WWP2: variants seen among roughly 807,000 people sequenced by gnomAD.
WWP2 encodes NEDD4-like E3 ubiquitin-protein ligase WWP2.
In WWP2, 57 loss-of-function variants were observed where a neutral mutation model predicts 121.0. That is an observed-to-expected ratio of 0.47 (90% CI 0.38 to 0.59). The LOEUF is 0.59. Among genes scored for constraint, WWP2 ranks in the 20% least tolerant of loss-of-function variants. WWP2 has a pLI of 0.00. For missense variants in WWP2, 962 were observed against 1,158.9 expected (o/e 0.83, Z 2.47); for synonymous variants, 449 against 441.3 (o/e 1.02, Z -0.22).
intron 2 of WWP2, among the ~76,000 whole-genome samples, chr16:69,794,066 C>T (rs191355709): frequency 1.2e-3 from 183 of 152,010 alleles, no homozygotes; most frequent in East Asian, 4.1e-3. Flanking sequence ...TACAGGCGTG[C>T]GCCACCACGC....
chr16:69,889,833 C>T (rs74029738), intron 8 of WWP2, among the ~76,000 whole-genome samples: 3,267 of 152,166 alleles, frequency 0.021, 99 homozygotes, highest in African/African-American at 0.067. Context: ...TCCTGTGAAC[C>T]GTTGTGATTC....
At chr16:69,769,241 C>T (rs978411658) in intron 1 of WWP2, among the ~76,000 whole-genome samples, 4 of 148,400 alleles carry the variant, frequency 2.7e-5, no homozygotes, top group Non-Finnish European at 4.4e-5. Flanking sequence ...TGCTTGAACC[C>T]GGGAGGTGGA....
chr16:69,894,252 T>C (rs951732807), intron 8 of WWP2, among the ~76,000 whole-genome samples: 3 of 151,704 alleles, frequency 2.0e-5, no homozygotes, highest in Non-Finnish European at 4.4e-5. Context: ...ATTTTTTTTT[T>C]TTTTTTTGGT....
At chr16:69,867,054 T>C (rs759898935) in intron 6 of WWP2, among the ~76,000 whole-genome samples, 3 of 151,932 alleles carry the variant, frequency 2.0e-5, no homozygotes, top group Non-Finnish European at 2.9e-5. Flanking sequence ...CAGGCTGGTC[T>C]CGAACTCCTG....
chr16:69,829,091 C>T (rs538963872), intron 4 of WWP2, among the ~76,000 whole-genome samples: 6 of 152,074 alleles, frequency 3.9e-5, no homozygotes, highest in Non-Finnish European at 7.3e-5. Flanking sequence ...GAGCCGTCTT[C>T]GATACCCGAC....
intron 6 of WWP2, among the ~76,000 whole-genome samples, chr16:69,870,899 A>C (rs1262984846): frequency 6.6e-6 from 1 of 152,172 alleles, no homozygotes; most frequent in Non-Finnish European, 1.5e-5. Context: ...GATGTCTGAT[A>C]GGTTTTCTGC....
At chr16:69,810,780 A>ATTTTCTTT in intron 4 of WWP2, among the ~76,000 whole-genome samples, 1 of 131,918 alleles carries the variant, frequency 7.6e-6, no homozygotes. Context: ...TTTGAGACGG[A>ATTTTCTTT]GTCTCGCTCT....
intron 4 of WWP2, among the ~76,000 whole-genome samples, chr16:69,832,783 T>A (rs2151860925): frequency 6.6e-6 from 1 of 152,322 alleles, no homozygotes; most frequent in South Asian, 2.1e-4. Flanking sequence ...ACTCAAGTGA[T>A]CTGCCTGCCT....
At chr16:69,865,057 A>G (rs1362783237) in intron 6 of WWP2, among the ~76,000 whole-genome samples, 19 of 151,124 alleles carry the variant, frequency 1.3e-4, no homozygotes, top group Admixed American at 1.3e-3. Flanking sequence ...TGTCTGTTCA[A>G]ATCTTTTTTT....
At chr16:69,903,013 CA>C (rs2058229239) in intron 8 of WWP2, among the ~76,000 whole-genome samples, 1 of 151,968 alleles carries the variant, frequency 6.6e-6, no homozygotes, top group Non-Finnish European at 1.5e-5. Context: ...GGTCCAACTG[CA>C]AAAGGAAAAA....
At chr16:69,866,998 T>C (rs144217325) in intron 6 of WWP2, among the ~76,000 whole-genome samples, 1,793 of 152,146 alleles carry the variant, frequency 0.012, 37 homozygotes, top group African/African-American at 0.041. Context: ...CCACCAGGCC[T>C]GGCTAATTTT....
intron 1 of WWP2, among the ~76,000 whole-genome samples, chr16:69,786,702 C>T (rs2055800482): frequency 6.6e-6 from 1 of 151,878 alleles, no homozygotes; most frequent in Admixed American, 6.6e-5. Flanking sequence ...CTGGCCATCT[C>T]GGCCTCCCAA....
At chr16:69,887,669 G>C (rs553179966) in intron 7 of WWP2, among the ~76,000 whole-genome samples, 2 of 152,168 alleles carry the variant, frequency 1.3e-5, no homozygotes, top group African/African-American at 4.8e-5. Flanking sequence ...GCCTCCCAAA[G>C]TGCTGGGATT....
chr16:69,786,446 T>C (rs1254363398), intron 1 of WWP2, among the ~76,000 whole-genome samples: 2 of 135,978 alleles, frequency 1.5e-5, no homozygotes, highest in South Asian at 2.5e-4. Flanking sequence ...GCCAATCTTT[T>C]TTTTTTTTTT....
chr16:69,788,800 C>T (rs2055845618), intron 2 of WWP2, among the ~76,000 whole-genome samples: 1 of 152,104 alleles, frequency 6.6e-6, no homozygotes, highest in Admixed American at 6.6e-5. Context: ...TTAACTACCC[C>T]AGCCAGTAGA....
chr16:69,824,677 T>G (rs1193224515), intron 4 of WWP2, among the ~76,000 whole-genome samples: 3 of 151,960 alleles, frequency 2.0e-5, no homozygotes, highest in African/African-American at 7.3e-5. Flanking sequence ...AGAGTGCATC[T>G]GTATATATTT....
chr16:69,793,310 C>T (rs761638948), intron 2 of WWP2, among the ~76,000 whole-genome samples: 1 of 152,056 alleles, frequency 6.6e-6, no homozygotes, highest in Non-Finnish European at 1.5e-5. Flanking sequence ...CAAGATTGCA[C>T]CACTGCACTC....
chr16:69,863,083 A>G (rs2057454943), intron 6 of WWP2, among the ~76,000 whole-genome samples: 1 of 151,990 alleles, frequency 6.6e-6, no homozygotes, highest in Admixed American at 6.6e-5. Context: ...ATAGAATCCT[A>G]CATGTATTAA....
intron 11 of WWP2, among the ~76,000 whole-genome samples, chr16:69,928,233 G>A (rs1459313968): frequency 6.6e-6 from 1 of 152,160 alleles, no homozygotes; most frequent in Admixed American, 6.5e-5. Flanking sequence ...CTTTAATGCT[G>A]CCCTGTCTTG....
Sources: allele counts gnomAD v4.1 joint callset (sites outside exome capture counted in the v4.1 genomes callset), GRCh38; gene constraint gnomAD v4.1.1; transcripts MANE v1.5; gene names NCBI Gene and HGNC (gene_info 2026-07-23, HGNC 2026-07-21).